The following SAP30BP variants were observed in gnomAD, a reference collection of about 807,000 sequenced individuals.
SAP30BP encodes SAP30 binding protein, also known as SAP30-binding protein.
In SAP30BP, 31 loss-of-function variants were observed where a neutral mutation model predicts 46.3. That is an observed-to-expected ratio of 0.67 (90% CI 0.50 to 0.90). The LOEUF (loss-of-function observed/expected upper bound fraction) is 0.90. Among genes scored for constraint, SAP30BP ranks in the 40% least tolerant of loss-of-function variants. The pLI, the probability that SAP30BP is intolerant of heterozygous loss-of-function variation, is 0.00. For synonymous variants in SAP30BP, 169 were observed against 144.2 expected, an observed-to-expected ratio of 1.17 and a Z score of -1.23; for missense variants, 312 against 391.0, an observed-to-expected ratio of 0.80 and a Z score of 1.70.
intron 8 of SAP30BP, 105 bp downstream of exon 8, chr17:75,703,964 T>A: frequency 1.2e-6 from 1 of 867,666 alleles, no homozygotes; most frequent in Non-Finnish European, 2.0e-6. Context: ...GTCTACTCTA[T>A]GTCAGGCCAT....
chr17:75,668,482 T>G, intron 1 of SAP30BP, 34 bp from the exon 2 acceptor site: 4 of 1,341,118 alleles, frequency 3.0e-6, no homozygotes, highest in Non-Finnish European at 4.1e-6. Context: ...TTTTTCTTGC[T>G]TTTTGTTTGT....
rs770916500 is a variant in SAP30BP, at chr17:75,667,415, G to A, written c.43G>A (p.Ala15Thr). The change falls in exon 1 of 11, where the codon GCG becomes ACG. Residue 15 changes from alanine (A) to threonine (T), a missense_variant. Ala to Thr is a moderately conservative substitution (Grantham distance 58). Around this residue, in one of 2 missense-constraint regions of SAP30BP, gnomAD observed 296 missense variants for 346.6 expected, o/e 0.85. Transcript: ENST00000584667. ...KNVLSSLAVY[A>T]EDSEPESDGE... ...TGTTCTGTCGTCTCTCGCAGTTTACGCGGAAGATTCAGAGCCCGAGTCTGA... is the reference window on the plus strand; with the variant it reads ...TGTTCTGTCGTCTCTCGCAGTTTACACGGAAGATTCAGAGCCCGAGTCTGA... The A allele has an allele frequency of 6.2e-7, 1 of 1,614,226 alleles. No individual in the cohort carries two copies. Among genetic ancestry groups the A allele is most frequent in the Non-Finnish European group, 8.5e-7 (1 of 1,180,048 alleles).
chr17:75,693,465 A>AC lies in SAP30BP; in HGVS notation c.295dup (p.Gln99ProfsTer9). The AC allele has an allele frequency of 1.9e-6, 3 of 1,613,688 alleles. No individual in the cohort carries two copies. Among genetic ancestry groups the AC allele is most frequent in the Non-Finnish European group, 2.5e-6 (3 of 1,179,818 alleles). ...GATAATACAGAAGCAGAAAAGCGAG[A>AC]CCCCCAGGAACTCGTGGGTGAGTAT... On this transcript the variant is annotated frameshift_variant, in exon 4 of 11. Coordinates refer to ENST00000584667, the MANE Select transcript of SAP30BP (RefSeq NM_013260.8). LOFTEE classifies it high-confidence loss of function.
At chr17:75,692,953 C>T (rs1347991617) in intron 3 of SAP30BP, 1 of 152,676 alleles carries the variant, frequency 6.5e-6, no homozygotes. Flanking sequence ...AGAAGAGTAT[C>T]TTGGGAGCAG....
Position 75,703,385 on chromosome 17 carries a change from A to G in SAP30BP, c.549+14A>G. 1 of 1,612,914 alleles carries G rather than the reference A, an allele frequency of 6.2e-7. No homozygotes were observed. The highest frequency in any genetic ancestry group is 8.5e-7 in the Non-Finnish European group (1 of 1,179,450). On this transcript the variant is annotated intron_variant, in intron 7 of 10. Transcript: ENST00000584667. ...AACTACCCAAAGGTGCGTCTGGCAC[A>G]CGGGGCTGGAGGGTGATGGGGACAC...
At chr17:75,675,195 A>T (rs1274192090) in intron 3 of SAP30BP, among the ~76,000 whole-genome samples, 1 of 151,990 alleles carries the variant, frequency 6.6e-6, no homozygotes, top group Admixed American at 6.6e-5. Flanking sequence ...TTGTTGCCCA[A>T]GCTGGAGTGC....
chr17:75,668,531 T>A lies in SAP30BP; in HGVS notation c.122T>A (p.Leu41Ter), dbSNP rs2059847519. Reference protein sequence around the residue: ...VGSAAEEKGGLVSDAYGEDDF... With the variant: ...VGSAAEEKGG ...AACCTTTCAGAGGAGAAAGGCGGAT[T>A]GGTATCTGATGCCTATGGGGAGGAT... Residue 41 changes from leucine to a stop codon, truncating the protein, a stop_gained, in exon 2 of 11, where the codon TTG becomes TAG. Transcript: ENST00000584667. LOFTEE classifies it high-confidence loss of function. 1 of 1,570,664 alleles carries A rather than the reference T, an allele frequency of 6.4e-7. No individual in the cohort carries two copies. Among genetic ancestry groups the A allele is most frequent in the Non-Finnish European group, 8.6e-7 (1 of 1,161,918 alleles).
In SAP30BP at chr17:75,693,642, C is replaced by T. The variant is rs115169297; in HGVS notation, c.307+160C>T. 7.4e-3 allele frequency among the ~76,000 whole-genome samples: 1,131 copies of T among 152,252 alleles called. 10 individuals are homozygous for T. Among genetic ancestry groups the T allele is most frequent in the African/African-American group, 0.026 (1,081 of 41,532 alleles). ...GGGCTTTGGCATTTCCTAGGATGCC[C>T]GGGTGAGACGTCCAGGGAACAGTTC... On this transcript the variant is annotated intron_variant, in intron 4 of 10. Transcript: ENST00000584667.
Position 75,706,063 on chromosome 17 carries a change from C to A in SAP30BP, c.716C>A (p.Thr239Asn). The change falls in exon 10 of 11, where the codon ACC becomes AAC. Residue 239 changes from threonine (T) to asparagine (N), a missense_variant. Transcript: ENST00000584667. This position sits in a 1 kb window ranked among gnomAD's most constrained non-coding sequence, Gnocchi z 4.6. ...KGTTTNATST[T>N]TTTASTAVAD... is the part of the protein sequence containing the mutation. ...ACCACGACCAACGCCACGTCCACCA[C>A]CACTACCACTGCCAGCACAGCTGTT... 6.2e-7 allele frequency: 1 copy of A among 1,613,454 alleles called. No homozygotes were observed. The highest frequency in any genetic ancestry group is 2.2e-5 in the East Asian group (1 of 44,872).
Position 75,703,293 on chromosome 17 carries a change from C to T in SAP30BP, c.489-18C>T, listed in dbSNP as rs766677033. 4.0e-5 allele frequency: 65 copies of T among 1,613,748 alleles called. No homozygotes were observed. Among genetic ancestry groups the T allele is most frequent in the Non-Finnish European group, 5.4e-5 (64 of 1,179,840 alleles). ...GACGTGGACTTGTGCCTGCTCAGCG[C>T]CGGCACTGTTCTTTCAGCATCTACG... On this transcript the variant is annotated intron_variant, in intron 6 of 10. Coordinates refer to ENST00000584667, the MANE Select transcript of SAP30BP (RefSeq NM_013260.8).
Position 75,706,658 on chromosome 17 carries a change from C to G in SAP30BP, c.*137C>G, listed in dbSNP as rs1175810743. ...CTGAGAGGAGCTTCTGTTTGGCATTCCAGATGGAAGGACAGGCAGCACGGG... is the reference window on the plus strand; with the variant it reads ...CTGAGAGGAGCTTCTGTTTGGCATTGCAGATGGAAGGACAGGCAGCACGGG... On this transcript the variant is annotated 3_prime_UTR_variant, in exon 11 of 11. Transcript: ENST00000584667. The surrounding 1 kb of genome is among the most constrained non-coding windows in gnomAD (Gnocchi z 4.6). The G allele has an allele frequency of 5.0e-6, 4 of 804,326 alleles. No individual in the cohort carries two copies. Among genetic ancestry groups the G allele is most frequent in the South Asian group, 1.7e-5 (1 of 57,298 alleles). 49.8% of individuals were successfully genotyped at this position (804,326 alleles called of 1,614,324 possible). A position where few individuals can be genotyped will look rare whatever the true frequency, so the allele number is the denominator to read the frequency against.
intron 2 of SAP30BP, among the ~76,000 whole-genome samples, chr17:75,671,490 C>T (rs1413720372): frequency 2.6e-5 from 4 of 152,214 alleles, no homozygotes; most frequent in South Asian, 2.1e-4. Context: ...TGATCTTACT[C>T]TTTCCTAAAA....
At chr17:75,667,722 G>C (rs930419588) in intron 1 of SAP30BP, among the ~76,000 whole-genome samples, 2 of 152,226 alleles carry the variant, frequency 1.3e-5, no homozygotes, top group Non-Finnish European at 2.9e-5. Context: ...TATAGTGATA[G>C]ACAGAGGGAT....
At chr17:75,672,414 C>T (rs1212173615) in intron 3 of SAP30BP, among the ~76,000 whole-genome samples, 2 of 152,168 alleles carry the variant, frequency 1.3e-5, no homozygotes, top group Non-Finnish European at 2.9e-5. Flanking sequence ...TAACTATTCT[C>T]ATAGTGTCAT....
chr17:75,687,613 C>T (rs1302242558), intron 3 of SAP30BP, among the ~76,000 whole-genome samples: 1 of 144,780 alleles, frequency 6.9e-6, no homozygotes, highest in Non-Finnish European at 1.5e-5. Flanking sequence ...GAGACCCTGT[C>T]TCAGGAAAAA....
intron 4 of SAP30BP, 48 bp downstream of exon 4, chr17:75,693,530 G>A: frequency 6.3e-7 from 1 of 1,585,966 alleles, no homozygotes; most frequent in Non-Finnish European, 8.6e-7. Flanking sequence ...CTTGCTCCTA[G>A]CAGCCTGGCT....
chr17:75,697,974 CTGAG>C (rs2060347668), intron 4 of SAP30BP, among the ~76,000 whole-genome samples: 1 of 152,234 alleles, frequency 6.6e-6, no homozygotes, highest in Non-Finnish European at 1.5e-5. Flanking sequence ...TAAGTGCTTG[CTGAG>C]TGTTACTGGT....
At position 75,699,835 on chromosome 17, in the gene SAP30BP, G is replaced by T. The variant is rs928832837; in HGVS notation, c.360G>T (p.Pro120=). 5 of 1,612,928 alleles carry T rather than the reference G, an allele frequency of 3.1e-6. No individual in the cohort carries two copies. The highest frequency in any genetic ancestry group is 2.2e-5 in the East Asian group (1 of 44,878). ...TGTCGCCTGATGAAATCAAGATCCC[G>T]CCAGAACCCCCTGGCAGATGTTCAA... ...RNMSPDEIKI[P]PEPPGRCSNH... The change falls in exon 5 of 11, where the codon CCG becomes CCT. Residue 120 remains proline (P), a synonymous_variant. Coordinates refer to ENST00000584667, the MANE Select transcript of SAP30BP (RefSeq NM_013260.8).
intron 3 of SAP30BP, among the ~76,000 whole-genome samples, chr17:75,678,729 A>C (rs2060029957): frequency 6.6e-6 from 1 of 152,092 alleles, no homozygotes; most frequent in East Asian, 1.9e-4. Context: ...CATAAAGGTG[A>C]GGGGACTCAA....
Sources: gnomAD v4.1 joint callset for allele counts (sites outside exome capture counted in the v4.1 genomes callset) on GRCh38, gnomAD v4.1.1 for gene constraint, gnomAD v4.1.1 regional missense constraint, Gnocchi (gnomAD v3.1) non-coding constraint, MANE v1.5 for transcripts, NCBI Gene and HGNC (gene_info 2026-07-23, HGNC 2026-07-21) for gene names.